The following KIAA1217 variants were observed in gnomAD, a reference collection of about 807,000 sequenced individuals.
KIAA1217 encodes the protein KIAA1217.
In KIAA1217, 88 loss-of-function variants were observed where a neutral mutation model predicts 163.9. That is an observed-to-expected ratio of 0.54 (90% CI 0.45 to 0.64). The LOEUF is 0.64. Ranked by LOEUF, KIAA1217 falls within the 30% of genes least tolerant of loss-of-function variation. The pLI is 0.00. For missense variants in KIAA1217, 2,372 were observed against 2,475.0 expected (o/e 0.96, Z 0.88); for synonymous variants, 903 against 923.1 (o/e 0.98, Z 0.39).
At chr10:24,456,034 T>C (rs1287997867) in intron 5 of KIAA1217, among the ~76,000 whole-genome samples, 3 of 151,990 alleles carry the variant, frequency 2.0e-5, no homozygotes, top group Admixed American at 1.3e-4. Flanking sequence ...TAAAGGCGTA[T>C]GCCACCCCAC....
intron 2 of KIAA1217, chr10:24,007,396 A>T (rs1431390611): frequency 6.6e-6 from 1 of 152,114 alleles, no homozygotes; most frequent in Non-Finnish European, 1.5e-5. Context: ...CTTTTTATTA[A>T]ATCATAAAAT....
At chr10:23,836,289 TA>T (rs1222099170) in intron 1 of KIAA1217, among the ~76,000 whole-genome samples, 1 of 152,198 alleles carries the variant, frequency 6.6e-6, no homozygotes, top group Non-Finnish European at 1.5e-5. Flanking sequence ...ATGGGTAGTT[TA>T]TAAGCATAGT....
At chr10:24,431,827 C>T (rs2059624814) in intron 3 of KIAA1217, among the ~76,000 whole-genome samples, 2 of 152,130 alleles carry the variant, frequency 1.3e-5, no homozygotes, top group African/African-American at 4.8e-5. Flanking sequence ...TGCACTGGGG[C>T]CCACATACCC....
At chr10:24,027,283 T>C (rs1251045939) in intron 2 of KIAA1217, among the ~76,000 whole-genome samples, 2 of 152,066 alleles carry the variant, frequency 1.3e-5, no homozygotes, top group African/African-American at 2.4e-5. Context: ...GATGGTGACC[T>C]GGGGCATTCA....
At chr10:23,743,898 GA>G (rs34968711) in intron 1 of KIAA1217, among the ~76,000 whole-genome samples, 44,197 of 147,258 alleles carry the variant, frequency 0.3, 8,294 homozygotes, top group African/African-American at 0.54. Flanking sequence ...TTAATTTTCA[GA>G]AAAAAAAAAA....
intron 2 of KIAA1217, among the ~76,000 whole-genome samples, chr10:24,121,736 G>A (rs902019841): frequency 1.3e-5 from 2 of 152,172 alleles, no homozygotes; most frequent in African/African-American, 2.4e-5. Flanking sequence ...ATGAACAAGT[G>A]GATAAAGAAA....
intron 1 of KIAA1217, among the ~76,000 whole-genome samples, chr10:23,873,945 G>A (rs1027374824): frequency 2.0e-5 from 3 of 152,068 alleles, no homozygotes; most frequent in African/African-American, 4.8e-5. Context: ...GTCATGAACT[G>A]AGCATTTAGC....
At chr10:23,747,353 T>C (rs1235163106) in intron 1 of KIAA1217, among the ~76,000 whole-genome samples, 1 of 152,182 alleles carries the variant, frequency 6.6e-6, no homozygotes, top group Non-Finnish European at 1.5e-5. Flanking sequence ...TTTTGTTTCC[T>C]GGGCTTCGGA....
chr10:24,070,393 T>C (rs528774176), intron 2 of KIAA1217, among the ~76,000 whole-genome samples: 2 of 152,210 alleles, frequency 1.3e-5, no homozygotes, highest in South Asian at 4.2e-4. Flanking sequence ...CACTTAGACA[T>C]AAAATAGTAA....
chr10:23,783,386 C>T (rs1835348110), intron 1 of KIAA1217, among the ~76,000 whole-genome samples: 1 of 152,156 alleles, frequency 6.6e-6, no homozygotes, highest in African/African-American at 2.4e-5. Flanking sequence ...TCTATTTAAA[C>T]CAACCTTGCA....
intron 2 of KIAA1217, among the ~76,000 whole-genome samples, chr10:24,056,451 G>A (rs1158924553): frequency 6.6e-6 from 1 of 151,914 alleles, no homozygotes; most frequent in African/African-American, 2.4e-5. Flanking sequence ...TCTGGGTGGA[G>A]AAGAATAAAA....
At chr10:24,454,557 G>A (rs1217368654) in intron 5 of KIAA1217, among the ~76,000 whole-genome samples, 1 of 152,202 alleles carries the variant, frequency 6.6e-6, no homozygotes, top group African/African-American at 2.4e-5. Context: ...GCAGGGGCCT[G>A]ATCTGTAGGG....
intron 2 of KIAA1217, among the ~76,000 whole-genome samples, chr10:24,090,090 G>A (rs931619500): frequency 3.3e-5 from 5 of 151,324 alleles, no homozygotes; most frequent in Non-Finnish European, 5.9e-5. Context: ...CGTCTAAAGT[G>A]GGGAGATCCT....
At chr10:24,209,349 A>G (rs2067777455) in intron 1 of KIAA1217, 86 bp downstream of exon 1, 4 of 902,188 alleles carry the variant, frequency 4.4e-6, no homozygotes, top group Admixed American at 2.7e-5. Context: ...CAGCTCTGGG[A>G]CCCGGCAAAG....
At chr10:23,851,717 A>C (rs1487172948) in intron 1 of KIAA1217, among the ~76,000 whole-genome samples, 1 of 152,140 alleles carries the variant, frequency 6.6e-6, no homozygotes, top group Non-Finnish European at 1.5e-5. Flanking sequence ...AACTGGCGTG[A>C]GATGGTATCT....
chr10:23,793,622 C>T (rs1564427216), intron 1 of KIAA1217, among the ~76,000 whole-genome samples: 1 of 152,240 alleles, frequency 6.6e-6, no homozygotes. Context: ...TGTAAGTCCG[C>T]TGCCTGAAAC....
chr10:24,406,451 G>T (rs1434156113), intron 3 of KIAA1217, among the ~76,000 whole-genome samples: 1 of 150,282 alleles, frequency 6.7e-6, no homozygotes, highest in Non-Finnish European at 1.5e-5. Context: ...ATTGCTAATG[G>T]GTCCTAGAAA....
intron 1 of KIAA1217, among the ~76,000 whole-genome samples, chr10:23,716,935 A>G (rs1837609855): frequency 6.6e-6 from 1 of 151,990 alleles, no homozygotes; most frequent in Non-Finnish European, 1.5e-5. Context: ...TAAACTTCTT[A>G]TATACAAGGC....
chr10:23,865,128 C>CT (rs1053199638), intron 1 of KIAA1217, among the ~76,000 whole-genome samples: 1 of 152,096 alleles, frequency 6.6e-6, no homozygotes, highest in African/African-American at 2.4e-5. Context: ...TTATAACTTG[C>CT]TTTTTTCTCA....
Sources: allele counts gnomAD v4.1 joint callset (sites outside exome capture counted in the v4.1 genomes callset), GRCh38; gene constraint gnomAD v4.1.1; transcripts MANE v1.5; gene names NCBI Gene and HGNC (gene_info 2026-07-23, HGNC 2026-07-21).